FER: variants seen among roughly 807,000 people sequenced by gnomAD.
The protein encoded by FER is tyrosine-protein kinase Fer.
Under a neutral mutation model 111.0 loss-of-function variants are expected in FER, and 63 were observed. The observed-to-expected ratio is 0.57, with a 90% confidence interval of 0.46 to 0.70. The LOEUF (loss-of-function observed/expected upper bound fraction) is 0.70. Among genes scored for constraint, FER ranks in the 30% least tolerant of loss-of-function variants. The pLI is 0.00. For missense variants in FER, 914 were observed against 954.0 expected (o/e 0.96, Z 0.55); for synonymous variants, 327 against 313.9 (o/e 1.04, Z -0.44).
intron 2 of FER, among the ~76,000 whole-genome samples, chr5:108,786,096 G>A (rs1450628411): frequency 6.6e-6 from 1 of 152,180 alleles, no homozygotes; most frequent in African/African-American, 2.4e-5. Context: ...AACACCCTGA[G>A]TTTGGCTTTG....
At chr5:109,149,970 T>C (rs1754642712) in intron 17 of FER, among the ~76,000 whole-genome samples, 1 of 151,914 alleles carries the variant, frequency 6.6e-6, no homozygotes, top group Admixed American at 6.6e-5. Context: ...CTCAAAGGAG[T>C]GTGAACCCTA....
At chr5:108,789,809 G>T (rs1755144224) in intron 2 of FER, among the ~76,000 whole-genome samples, 1 of 151,938 alleles carries the variant, frequency 6.6e-6, no homozygotes, top group Admixed American at 6.6e-5. Flanking sequence ...TGCCATGTTG[G>T]ACAGGCTGGT....
At chr5:108,851,462 G>A (rs1394610111) in intron 5 of FER, among the ~76,000 whole-genome samples, 3 of 152,064 alleles carry the variant, frequency 2.0e-5, no homozygotes, top group Admixed American at 2.0e-4. Context: ...ATGAGATTTG[G>A]GTGGGGACAA....
intron 2 of FER, among the ~76,000 whole-genome samples, chr5:108,793,234 C>T (rs1755581259): frequency 6.6e-6 from 1 of 152,136 alleles, no homozygotes; most frequent in African/African-American, 2.4e-5. Context: ...GATTGTCTTT[C>T]TGTGTCTGGC....
At chr5:109,097,374 C>A (rs994488051) in intron 16 of FER, among the ~76,000 whole-genome samples, 2 of 151,566 alleles carry the variant, frequency 1.3e-5, no homozygotes, top group African/African-American at 4.8e-5. Flanking sequence ...AGAAAAAAGT[C>A]TTGATAAGCA....
chr5:108,836,099 T>G (rs1034859490), intron 5 of FER, among the ~76,000 whole-genome samples: 1 of 152,090 alleles, frequency 6.6e-6, no homozygotes, highest in Admixed American at 6.5e-5. Flanking sequence ...ATTTACTTAT[T>G]TAATTACAGA....
At chr5:109,032,749 G>C (rs1196448802) in intron 13 of FER, among the ~76,000 whole-genome samples, 2 of 152,124 alleles carry the variant, frequency 1.3e-5, no homozygotes, top group Admixed American at 1.3e-4. Flanking sequence ...ATCTTTATAT[G>C]TAGCCCATAT....
At chr5:108,878,141 A>C (rs1379984113) in intron 8 of FER, among the ~76,000 whole-genome samples, 1 of 151,992 alleles carries the variant, frequency 6.6e-6, no homozygotes, top group Non-Finnish European at 1.5e-5. Context: ...TCCTGACCTC[A>C]ACTGATCTAC....
At chr5:108,939,291 A>T (rs929345430) in intron 10 of FER, among the ~76,000 whole-genome samples, 2 of 152,088 alleles carry the variant, frequency 1.3e-5, no homozygotes, top group Non-Finnish European at 2.9e-5. Flanking sequence ...TAAAAATGTA[A>T]GTTAATATAT....
intron 5 of FER, among the ~76,000 whole-genome samples, chr5:108,860,023 C>T (rs1452765061): frequency 6.6e-6 from 1 of 151,468 alleles, no homozygotes; most frequent in South Asian, 2.1e-4. Flanking sequence ...CTCACTGCAA[C>T]CTCCACCTCC....
At chr5:108,755,293 G>A (rs1218700303) in intron 1 of FER, among the ~76,000 whole-genome samples, 2 of 152,160 alleles carry the variant, frequency 1.3e-5, no homozygotes, top group Non-Finnish European at 2.9e-5. Flanking sequence ...TCGCTGTAAT[G>A]CTTTTCTGTA....
intron 9 of FER, among the ~76,000 whole-genome samples, chr5:108,885,737 T>A (rs914443717): frequency 6.6e-6 from 1 of 151,840 alleles, no homozygotes; most frequent in Non-Finnish European, 1.5e-5. Context: ...TTAGGAGTTT[T>A]CAACATCTGA....
At chr5:108,868,591 T>A (rs1052009860) in intron 6 of FER, among the ~76,000 whole-genome samples, 32 of 152,096 alleles carry the variant, frequency 2.1e-4, no homozygotes, top group African/African-American at 6.5e-4. Context: ...TCCAAATGAC[T>A]AAATTCAATT....
At position 108,844,093 on chromosome 5, in the gene FER, C is replaced by CATATATGTGTGTGAACAT. The variant is rs35948091; in HGVS notation, c.481+8290_481+8291insATGTGTGTGAACATATAT. On this transcript the variant is annotated intron_variant, in intron 5 of 19. Coordinates refer to ENST00000281092, the MANE Select transcript of FER (RefSeq NM_005246.4). The stretch of plus-strand genomic sequence containing the variant: ...GTGTGTGAACATATATGCGTGTGAA[C>CATATATGTGTGTGAACAT]ATATGTGTGTGAACATGTGTGTGAA... Among the ~76,000 whole-genome samples the CATATATGTGTGTGAACAT allele has an allele frequency of 1.7e-3, 163 of 96,834 alleles. 3 individuals are homozygous for CATATATGTGTGTGAACAT. Among genetic ancestry groups the CATATATGTGTGTGAACAT allele is most frequent in the African/African-American group, 6.3e-3 (154 of 24,264 alleles). 63.5% of individuals were successfully genotyped at this position (96,834 alleles called of 152,430 possible).
chr5:109,169,900 A>G (rs1169606118), intron 17 of FER, among the ~76,000 whole-genome samples: 2 of 152,190 alleles, frequency 1.3e-5, no homozygotes, highest in African/African-American at 4.8e-5. Context: ...CCCTTGTACA[A>G]AGAAGAAAAT....
intron 8 of FER, among the ~76,000 whole-genome samples, chr5:108,876,835 G>A (rs564894350): frequency 2.0e-5 from 3 of 152,256 alleles, no homozygotes; most frequent in African/African-American, 7.2e-5. Flanking sequence ...TGCAGTGATA[G>A]GAAGTATTAT....
At chr5:108,929,352 G>A (rs1754238742) in intron 10 of FER, among the ~76,000 whole-genome samples, 1 of 152,120 alleles carries the variant, frequency 6.6e-6, no homozygotes, top group Non-Finnish European at 1.5e-5. Context: ...AGTGGTGCCA[G>A]AACAAAGTAT....
At chr5:109,136,623 G>A (rs72796589) in intron 17 of FER, among the ~76,000 whole-genome samples, 2,133 of 152,190 alleles carry the variant, frequency 0.014, 31 homozygotes, top group Non-Finnish European at 0.02. Flanking sequence ...GATCTTCACA[G>A]TAGCCTAGTG....
chr5:109,051,432 A>G (rs1481624856), intron 16 of FER: 3 of 1,612,736 alleles, frequency 1.9e-6, no homozygotes, highest in Non-Finnish European at 2.5e-6. Flanking sequence ...GTTTTTTAGA[A>G]TTCTGGTTAT....
Sources: gnomAD v4.1 joint callset for allele counts (sites outside exome capture counted in the v4.1 genomes callset) on GRCh38, gnomAD v4.1.1 for gene constraint, MANE v1.5 for transcripts, NCBI Gene and HGNC (gene_info 2026-07-23, HGNC 2026-07-21) for gene names.